Variants in MACROD2 observed in about 807,000 individuals in gnomAD.
MACROD2 encodes the protein ADP-ribose glycohydrolase MACROD2.
A neutral mutation model predicts 70.4 loss-of-function variants in MACROD2; 36 were observed. The observed-to-expected ratio is 0.51, with a 90% CI of 0.39 to 0.68. MACROD2 has a LOEUF of 0.68. MACROD2 is among the 30% of genes least tolerant of loss of function. The pLI, the probability that MACROD2 is intolerant of heterozygous loss-of-function variation, is 0.00. For missense variants in MACROD2, 496 were observed against 538.4 expected, an observed-to-expected ratio of 0.92 and a Z score of 0.78; for synonymous variants, 172 against 178.8, an observed-to-expected ratio of 0.96 and a Z score of 0.30.
intron 8 of MACROD2, among the ~76,000 whole-genome samples, chr20:15,612,822 A>G (rs1358587800): frequency 2.6e-5 from 4 of 152,246 alleles, no homozygotes; most frequent in Admixed American, 1.3e-4. Context: ...GCTTCTGGCT[A>G]TAGAAAATAG....
intron 10 of MACROD2, among the ~76,000 whole-genome samples, chr20:15,901,540 G>A (rs529545331): frequency 6.6e-6 from 1 of 152,128 alleles, no homozygotes; most frequent in African/African-American, 2.4e-5. Context: ...TTTGGATATT[G>A]TTTTGTGTTT....
At chr20:14,325,020 G>T (rs1433724959) in intron 3 of MACROD2, 1 of 152,402 alleles carries the variant, frequency 6.6e-6, no homozygotes, top group African/African-American at 2.4e-5. Flanking sequence ...TTGATTTATT[G>T]AATACCACTG....
chr20:15,623,415 G>A (rs560230152), intron 8 of MACROD2, among the ~76,000 whole-genome samples: 58 of 152,308 alleles, frequency 3.8e-4, no homozygotes, highest in African/African-American at 1.4e-3. Flanking sequence ...TTCTGGGAAT[G>A]CCTTTGTTGG....
intron 5 of MACROD2, among the ~76,000 whole-genome samples, chr20:14,740,618 T>G (rs2071721527): frequency 2.0e-5 from 3 of 152,196 alleles, no homozygotes; most frequent in Admixed American, 6.5e-5. Context: ...GTACAGATGC[T>G]TACACTGAAA....
chr20:14,561,485 T>G (rs1241162342), intron 4 of MACROD2, among the ~76,000 whole-genome samples: 2 of 151,902 alleles, frequency 1.3e-5, no homozygotes, highest in East Asian at 3.9e-4. Context: ...GATTTTCATC[T>G]CTATGTTAGG....
chr20:15,006,494 C>A (rs1409393682), intron 5 of MACROD2, among the ~76,000 whole-genome samples: 1 of 151,608 alleles, frequency 6.6e-6, no homozygotes, highest in Non-Finnish European at 1.5e-5. Context: ...ACAAGTATTC[C>A]CACCACAAAA....
intron 2 of MACROD2, among the ~76,000 whole-genome samples, chr20:14,021,465 C>A (rs1358778299): frequency 6.6e-6 from 1 of 152,154 alleles, no homozygotes; most frequent in Admixed American, 6.6e-5. Flanking sequence ...AAATGAAAGT[C>A]TTACTCAGGC....
intron 5 of MACROD2, among the ~76,000 whole-genome samples, chr20:15,227,454 A>T (rs1568652039): frequency 6.6e-6 from 1 of 151,236 alleles, no homozygotes. Flanking sequence ...ATTACTCCAG[A>T]TAAGAGGCAC....
intron 9 of MACROD2, among the ~76,000 whole-genome samples, chr20:15,869,392 A>G (rs2064548764): frequency 6.6e-6 from 1 of 150,772 alleles, no homozygotes; most frequent in Non-Finnish European, 1.5e-5. Context: ...ATTTATGTCT[A>G]TGAAAATAAT....
rs1003269696 is a variant in MACROD2, at chr20:14,702,563, A to T, written c.418+17604A>T. On this transcript the variant is annotated intron_variant, in intron 5 of 17. Coordinates refer to ENST00000684519, the MANE Select transcript of MACROD2 (RefSeq NM_001351661.2). ...CATATGTGTGTGTGTGTATATATATATACACATATATGTGTATATATATGT... is the reference window on the plus strand; with the variant it reads ...CATATGTGTGTGTGTGTATATATATTTACACATATATGTGTATATATATGT... Among the ~76,000 whole-genome samples the T allele has an allele frequency of 1.3e-4, 16 of 123,348 alleles. No homozygotes were observed. The East Asian group carries it at 3.8e-3, about 29-fold the overall frequency. The allele number at this position is 123,348 out of a possible 152,430, so 80.9% of individuals were successfully genotyped here. A position where few individuals can be genotyped will look rare whatever the true frequency, so the allele number is the denominator to read the frequency against.
At chr20:15,644,879 G>A (rs1267922221) in intron 8 of MACROD2, among the ~76,000 whole-genome samples, 4 of 152,008 alleles carry the variant, frequency 2.6e-5, no homozygotes, top group Non-Finnish European at 5.9e-5. Context: ...TAGTAGAGAC[G>A]GAGTTTCACC....
chr20:14,230,654 T>TATATATAAA, intron 3 of MACROD2, among the ~76,000 whole-genome samples: 842 of 73,898 alleles, frequency 0.011, 50 homozygotes, highest in East Asian at 0.045. Context: ...TATATATATA[T>TATATATAAA]AACACAGGCT....
At chr20:15,636,610 T>G (rs2049373506) in intron 8 of MACROD2, among the ~76,000 whole-genome samples, 1 of 152,098 alleles carries the variant, frequency 6.6e-6, no homozygotes, top group Admixed American at 6.5e-5. Flanking sequence ...AAAGACAAAG[T>G]GCATCATTAG....
chr20:15,028,323 CCAGAG>C (rs1348427079), intron 5 of MACROD2, among the ~76,000 whole-genome samples: 3 of 152,260 alleles, frequency 2.0e-5, no homozygotes, highest in African/African-American at 7.2e-5. Flanking sequence ...CAGAGGAGGG[CCAGAG>C]CTGAGCCTTC....
intron 3 of MACROD2, among the ~76,000 whole-genome samples, chr20:14,159,601 A>T (rs1033726735): frequency 3.3e-5 from 5 of 152,108 alleles, no homozygotes; most frequent in Non-Finnish European, 7.4e-5. Context: ...GAAATTATTT[A>T]TCAGGTCTAA....
chr20:15,899,225 T>A (rs1446404289), intron 10 of MACROD2, among the ~76,000 whole-genome samples: 2 of 152,096 alleles, frequency 1.3e-5, no homozygotes, highest in Non-Finnish European at 2.9e-5. Flanking sequence ...GACATATATG[T>A]ATATATGTAT....
intron 13 of MACROD2, among the ~76,000 whole-genome samples, chr20:15,984,417 C>A (rs1162421592): frequency 6.6e-6 from 1 of 152,058 alleles, no homozygotes; most frequent in African/African-American, 2.4e-5. Flanking sequence ...TAAACTGTTT[C>A]TTTAATGGTA....
intron 3 of MACROD2, among the ~76,000 whole-genome samples, chr20:14,295,663 G>A (rs889049939): frequency 6.6e-6 from 1 of 151,752 alleles, no homozygotes; most frequent in Non-Finnish European, 1.5e-5. Flanking sequence ...AATGTTATTT[G>A]TAGAGTTTCC....
chr20:15,387,735 G>C (rs2045736495), intron 6 of MACROD2, among the ~76,000 whole-genome samples: 1 of 106,790 alleles, frequency 9.4e-6, no homozygotes, highest in Non-Finnish European at 1.8e-5. Flanking sequence ...CTAAAACTCA[G>C]GGATTTTTTT....
Sources: allele counts gnomAD v4.1 joint callset (sites outside exome capture counted in the v4.1 genomes callset), GRCh38; gene constraint gnomAD v4.1.1; transcripts MANE v1.5; gene names NCBI Gene and HGNC (gene_info 2026-07-23, HGNC 2026-07-21).